Variants in SLC35F1 observed in about 807,000 individuals in gnomAD.
The protein encoded by SLC35F1 is solute carrier family 35 member F1.
In SLC35F1, 14 loss-of-function variants were observed where a neutral mutation model predicts 48.7. The ratio of observed to expected loss-of-function variants is 0.29; its 90% CI spans 0.19 to 0.45. The LOEUF is 0.45. Among genes scored for constraint, SLC35F1 ranks in the 20% least tolerant of loss-of-function variants. SLC35F1 has a pLI of 1.00. For missense variants in SLC35F1, 404 were observed against 500.0 expected, an observed-to-expected ratio of 0.81 and a Z score of 1.83; for synonymous variants, 190 against 202.2, an observed-to-expected ratio of 0.94 and a Z score of 0.51.
At chr6:118,166,545 A>AAGTT (rs1238586066) in intron 2 of SLC35F1, among the ~76,000 whole-genome samples, 1 of 152,222 alleles carries the variant, frequency 6.6e-6, no homozygotes, top group Non-Finnish European at 1.5e-5. Flanking sequence ...AAAAGAAACT[A>AAGTT]AGTTAGATCA....
At chr6:118,050,232 G>A (rs1226958404) in intron 1 of SLC35F1, among the ~76,000 whole-genome samples, 1 of 151,954 alleles carries the variant, frequency 6.6e-6, no homozygotes, top group East Asian at 1.9e-4. Flanking sequence ...GGAGGAGGGG[G>A]GAGGGATAGC....
intron 1 of SLC35F1, among the ~76,000 whole-genome samples, chr6:118,119,501 CTCCA>C (rs768506113): frequency 4.7e-5 from 5 of 106,914 alleles, no homozygotes; most frequent in Non-Finnish European, 7.6e-5. Context: ...GGCGCCCCCC[CTCCA>C]CCCCGCTTTT....
rs1280746243 is a variant in SLC35F1, at chr6:118,303,373, AC to A, written c.1003-10654del. 3.9e-5 allele frequency among the ~76,000 whole-genome samples: 6 copies of A among 152,258 alleles called. 1 individual carries two copies. Among genetic ancestry groups the A allele is most frequent in the African/African-American group, 1.4e-4 (6 of 41,472 alleles). ...AGCTTGAGTATAGGGAATGGAAGAAACAAAAAGAATTACTACTTTGTAATGC... is the reference window on the plus strand; with the variant it reads ...AGCTTGAGTATAGGGAATGGAAGAAAAAAAAGAATTACTACTTTGTAATGC... On this transcript the variant is annotated intron_variant, in intron 7 of 7. Coordinates refer to ENST00000360388, the MANE Select transcript of SLC35F1 (RefSeq NM_001029858.4).
At chr6:118,237,918 A>G (rs1775386447) in intron 3 of SLC35F1, among the ~76,000 whole-genome samples, 1 of 152,230 alleles carries the variant, frequency 6.6e-6, no homozygotes, top group Non-Finnish European at 1.5e-5. Flanking sequence ...GAAAAAAATT[A>G]TGGAAATAAA....
At chr6:117,997,425 G>T (rs949620694) in intron 1 of SLC35F1, among the ~76,000 whole-genome samples, 1 of 151,828 alleles carries the variant, frequency 6.6e-6, no homozygotes, top group African/African-American at 2.4e-5. Context: ...TACAGAGAAC[G>T]CCACAAAGAT....
At chr6:118,128,799 C>T (rs886594149) in intron 1 of SLC35F1, among the ~76,000 whole-genome samples, 2 of 150,992 alleles carry the variant, frequency 1.3e-5, no homozygotes, top group African/African-American at 4.9e-5. Flanking sequence ...TACCCAAAAA[C>T]TTAAAGTATA....
intron 2 of SLC35F1, among the ~76,000 whole-genome samples, chr6:118,157,604 C>G (rs1157771758): frequency 6.6e-6 from 1 of 152,170 alleles, no homozygotes; most frequent in Non-Finnish European, 1.5e-5. Flanking sequence ...CCCCAAAGCT[C>G]CTGGCAAATC....
intron 1 of SLC35F1, among the ~76,000 whole-genome samples, chr6:118,029,809 C>G (rs772848926): frequency 6.6e-6 from 1 of 152,074 alleles, no homozygotes; most frequent in African/African-American, 2.4e-5. Flanking sequence ...TACTTTCCAC[C>G]CTTCACTACG....
intron 1 of SLC35F1, among the ~76,000 whole-genome samples, chr6:118,128,216 C>G (rs1352583384): frequency 6.8e-6 from 1 of 147,422 alleles, no homozygotes; most frequent in African/African-American, 2.5e-5. Flanking sequence ...GTTGGTGGGA[C>G]TGTAAACTAG....
chr6:118,208,043 G>A (rs1774957690), intron 2 of SLC35F1, among the ~76,000 whole-genome samples: 1 of 152,092 alleles, frequency 6.6e-6, no homozygotes, highest in South Asian at 2.1e-4. Context: ...AACATCAAGG[G>A]AAAGAGAGCC....
intron 1 of SLC35F1, among the ~76,000 whole-genome samples, chr6:117,927,568 T>A (rs1351625655): frequency 6.6e-6 from 1 of 152,180 alleles, no homozygotes; most frequent in African/African-American, 2.4e-5. Context: ...AGACCTGTGC[T>A]TTTGCAGTGA....
At chr6:118,155,851 C>T (rs1320475413) in intron 2 of SLC35F1, among the ~76,000 whole-genome samples, 2 of 152,086 alleles carry the variant, frequency 1.3e-5, no homozygotes, top group African/African-American at 4.8e-5. Context: ...AATAGTCACA[C>T]TTTTAGGAAA....
At chr6:118,230,854 A>C (rs1380039740) in intron 2 of SLC35F1, among the ~76,000 whole-genome samples, 4 of 152,026 alleles carry the variant, frequency 2.6e-5, no homozygotes, top group Non-Finnish European at 2.9e-5. Context: ...CTTGCTACTC[A>C]AGAGGCTGAA....
chr6:118,016,185 C>T (rs375234962), intron 1 of SLC35F1, among the ~76,000 whole-genome samples: 3 of 152,262 alleles, frequency 2.0e-5, no homozygotes, highest in South Asian at 2.1e-4. Context: ...ATCTTGGAAT[C>T]GGTTTGCTGT....
At chr6:118,029,298 T>C (rs188780226) in intron 1 of SLC35F1, among the ~76,000 whole-genome samples, 103 of 152,272 alleles carry the variant, frequency 6.8e-4, no homozygotes, top group Non-Finnish European at 1.4e-3. Context: ...GGTTTCACTT[T>C]CTGAGGTTTC....
At chr6:118,039,164 G>A (rs894684599) in intron 1 of SLC35F1, among the ~76,000 whole-genome samples, 14 of 152,078 alleles carry the variant, frequency 9.2e-5, no homozygotes, top group South Asian at 4.1e-4. Context: ...TTCTTTCAGC[G>A]CTTTCAAGAT....
At chr6:117,996,614 C>T (rs533978543) in intron 1 of SLC35F1, among the ~76,000 whole-genome samples, 8 of 152,276 alleles carry the variant, frequency 5.3e-5, no homozygotes, top group African/African-American at 1.2e-4. Flanking sequence ...CAGCAGCATT[C>T]GCGGTTCATG....
At chr6:118,284,542 G>A (rs1315811724) in intron 6 of SLC35F1, among the ~76,000 whole-genome samples, 1 of 152,190 alleles carries the variant, frequency 6.6e-6, no homozygotes, top group Non-Finnish European at 1.5e-5. Context: ...AGAGTTCACA[G>A]TATGCCAGGA....
chr6:118,162,559 G>GA (rs1192728084), intron 2 of SLC35F1, among the ~76,000 whole-genome samples: 1 of 151,842 alleles, frequency 6.6e-6, no homozygotes, highest in East Asian at 1.9e-4. Flanking sequence ...CTGAAGTGGG[G>GA]AAAAAAAAGA....
Sources: gnomAD v4.1 joint callset for allele counts (sites outside exome capture counted in the v4.1 genomes callset) on GRCh38, gnomAD v4.1.1 for gene constraint, MANE v1.5 for transcripts, NCBI Gene and HGNC (gene_info 2026-07-23, HGNC 2026-07-21) for gene names.